Variants in SPAG17 observed in about 807,000 individuals in gnomAD.
SPAG17 encodes sperm-associated antigen 17.
SPAG17 carries 169 observed loss-of-function variants against 273.6 expected under a neutral mutation model. That is an observed-to-expected ratio of 0.62 (90% CI 0.55 to 0.70). The LOEUF is 0.70. Ranked by LOEUF, SPAG17 falls within the 30% of genes least tolerant of loss-of-function variation. The pLI is 0.00. For synonymous variants in SPAG17, 825 were observed against 873.2 expected (o/e 0.94, Z 0.97); for missense variants, 2,557 against 2,627.8 (o/e 0.97, Z 0.59).
chr1:118,035,362 A>G (rs1473345365), intron 24 of SPAG17, among the ~76,000 whole-genome samples: 1 of 152,204 alleles, frequency 6.6e-6, no homozygotes, highest in Non-Finnish European at 1.5e-5. Context: ...GATAGCAGGT[A>G]TAAATATCTT....
At chr1:118,059,099 A>C (rs1212446192) in intron 18 of SPAG17, among the ~76,000 whole-genome samples, 6 of 152,208 alleles carry the variant, frequency 3.9e-5, no homozygotes, top group Admixed American at 6.5e-5. Context: ...CTAGAAAAGC[A>C]GAAATTACTC....
At chr1:118,100,560 C>T (rs1655999234) in intron 5 of SPAG17, among the ~76,000 whole-genome samples, 1 of 152,158 alleles carries the variant, frequency 6.6e-6, no homozygotes, top group Admixed American at 6.5e-5. Context: ...AACAGAGGCA[C>T]AACTTTTCAT....
intron 3 of SPAG17, among the ~76,000 whole-genome samples, chr1:118,128,218 A>T (rs1570743011): frequency 6.6e-6 from 1 of 151,288 alleles, no homozygotes; most frequent in African/African-American, 2.4e-5. Context: ...CTAGTTTGTT[A>T]TTGGTGTATA....
chr1:117,983,781 A>G (rs1484525530), intron 42 of SPAG17, 30 bp downstream of exon 42: 13 of 1,455,820 alleles, frequency 8.9e-6, no homozygotes, highest in Admixed American at 1.7e-5. Context: ...CGGACATTTA[A>G]TAGGAATATG....
intron 48 of SPAG17, chr1:117,957,079 A>G: frequency 6.3e-7 from 1 of 1,583,292 alleles, no homozygotes; most frequent in South Asian, 1.2e-5. Context: ...GAGCTGGAAG[A>G]ATCTCTACTT....
At chr1:118,045,003 A>T (rs1650188705) in intron 20 of SPAG17, among the ~76,000 whole-genome samples, 1 of 152,236 alleles carries the variant, frequency 6.6e-6, no homozygotes, top group Non-Finnish European at 1.5e-5. Flanking sequence ...GGAAATTAAA[A>T]AGCCAACCAA....
At position 117,970,094 on chromosome 1, in the gene SPAG17, G is replaced by T; in HGVS notation, c.6349C>A (p.Pro2117Thr). The T allele has an allele frequency of 6.2e-7, 1 of 1,613,288 alleles. No individual in the cohort carries two copies. Among genetic ancestry groups the T allele is most frequent in the Non-Finnish European group, 8.5e-7 (1 of 1,179,680 alleles). ...TAAGTCACTTTCAGTCCTGTGCTGG[G>T]TGGGGGCTGCTTTACTTTAAACCTA... ...FCRFKVKQPPPSTGLKVTYKP... is the reference protein window; with the variant it reads ...FCRFKVKQPPTSTGLKVTYKP... The change falls in exon 46 of 49, where the codon CCC becomes ACC. Residue 2117 changes from proline to threonine, a missense_variant. Coordinates refer to ENST00000336338, the MANE Select transcript of SPAG17 (RefSeq NM_206996.4).
intron 18 of SPAG17, among the ~76,000 whole-genome samples, 168 bp from the exon 19 acceptor site, chr1:118,056,082 A>T (rs1651641134): frequency 6.6e-6 from 1 of 152,208 alleles, no homozygotes; most frequent in Non-Finnish European, 1.5e-5. Context: ...TCCAGTGAAC[A>T]TATGAAAACT....
intron 3 of SPAG17, among the ~76,000 whole-genome samples, chr1:118,129,004 G>C (rs1310748784): frequency 3.9e-5 from 6 of 152,194 alleles, no homozygotes; most frequent in African/African-American, 1.4e-4. Flanking sequence ...GGGGCTGCTT[G>C]ATCTGGTTTC....
chr1:118,006,695 T>C (rs1166283686), intron 31 of SPAG17, among the ~76,000 whole-genome samples: 2 of 152,312 alleles, frequency 1.3e-5, no homozygotes, highest in East Asian at 3.9e-4. Context: ...ATTTTCCAAG[T>C]GACTAACCAC....
chr1:117,971,979 C>T lies in SPAG17; in HGVS notation c.6210G>A (p.Lys2070=). The T allele has an allele frequency of 6.2e-7, 1 of 1,614,110 alleles. No homozygotes were observed. The highest frequency in any genetic ancestry group is 8.5e-7 in the Non-Finnish European group (1 of 1,179,990). Residue 2070 remains lysine, a synonymous_variant, in exon 45 of 49, where the codon AAG becomes AAA. Coordinates refer to ENST00000336338, the MANE Select transcript of SPAG17 (RefSeq NM_206996.4). ...SVASAAINNA[K]SSLFGFHLLP... Reference sequence around the variant, plus strand: ...GAAGATGGAACCCAAAAAGGGATGACTTTGCATTATTAATGGCAGCAGATG... The same window carrying T: ...GAAGATGGAACCCAAAAAGGGATGATTTTGCATTATTAATGGCAGCAGATG...
At chr1:117,983,480 T>C (rs1656062095) in intron 42 of SPAG17, among the ~76,000 whole-genome samples, 1 of 152,250 alleles carries the variant, frequency 6.6e-6, no homozygotes, top group Non-Finnish European at 1.5e-5. Flanking sequence ...ATTGTAAAGA[T>C]ACATTTTCCT....
intron 36 of SPAG17, 107 bp from the exon 37 acceptor site, chr1:117,991,635 GT>G: frequency 1.6e-6 from 1 of 630,412 alleles, no homozygotes; most frequent in Non-Finnish European, 2.6e-6. Context: ...GAATATATAG[GT>G]TTACAGTGCT....
At chr1:118,084,668 A>G (rs1328764724) in intron 13 of SPAG17, among the ~76,000 whole-genome samples, 1 of 152,140 alleles carries the variant, frequency 6.6e-6, no homozygotes, top group Non-Finnish European at 1.5e-5. Context: ...CTCTCTATTC[A>G]TCTGTGTATC....
chr1:118,097,909 T>C (rs1655820465), intron 6 of SPAG17, 58 bp from the exon 7 acceptor site: 18 of 1,235,896 alleles, frequency 1.5e-5, no homozygotes, highest in Admixed American at 5.1e-5. Flanking sequence ...TTTCCCACTT[T>C]AAGTGAACAT....
chr1:117,988,232 A>AT (rs758229673), intron 38 of SPAG17, 28 bp from the exon 39 acceptor site: 55 of 1,521,108 alleles, frequency 3.6e-5, no homozygotes, highest in Non-Finnish European at 4.7e-5. Context: ...TTTAACTTTT[A>AT]TCCCCACTTC....
In SPAG17 at chr1:118,008,070, T is replaced by A; in HGVS notation, c.4561A>T (p.Ile1521Phe). The A allele has an allele frequency of 1.9e-6, 3 of 1,614,046 alleles. No homozygotes were observed. The highest frequency in any genetic ancestry group is 2.5e-6 in the Non-Finnish European group (3 of 1,179,926). ...TGGTATGTTCCCTGTGGCTTTGCAA[T>A]AATAGTTGTTCCATCTCCAAAGGTG... ...CATFGDGTTI[I>F]AKPQGTYQVL... The change falls in exon 31 of 49, where the codon ATT (isoleucine) becomes TTT (phenylalanine). Residue 1521 changes from isoleucine (I) to phenylalanine (F), a missense_variant. Ile to Phe is a conservative substitution (Grantham distance 21). Transcript: ENST00000336338.
chr1:117,987,969 A>G (rs1275292366), intron 39 of SPAG17, 88 bp from the exon 40 acceptor site: 1 of 1,495,016 alleles, frequency 6.7e-7, no homozygotes, highest in African/African-American at 1.4e-5. Flanking sequence ...CTATATGATG[A>G]ATTATTAATA....
chr1:117,978,786 C>T (rs1446319168), intron 43 of SPAG17, among the ~76,000 whole-genome samples: 1 of 152,002 alleles, frequency 6.6e-6, no homozygotes, highest in Non-Finnish European at 1.5e-5. Context: ...GGCATTTGAC[C>T]TTGCAGGGGC....
Sources: allele counts gnomAD v4.1 joint callset (sites outside exome capture counted in the v4.1 genomes callset), GRCh38; gene constraint gnomAD v4.1.1; transcripts MANE v1.5; gene names NCBI Gene and HGNC (gene_info 2026-07-23, HGNC 2026-07-21).